The following DLGAP1 variants were observed in gnomAD, a reference collection of about 807,000 sequenced individuals.
DLGAP1 encodes disks large-associated protein 1.
DLGAP1 carries 11 observed loss-of-function variants against 90.8 expected under a neutral mutation model. The observed-to-expected ratio is 0.12, with a 90% CI of 0.08 to 0.20. DLGAP1 has a LOEUF of 0.20. Among genes scored for constraint, DLGAP1 ranks in the 10% least tolerant of loss-of-function variants. The pLI is 1.00. For synonymous variants in DLGAP1, 558 were observed against 540.7 expected (o/e 1.03, Z -0.44); for missense variants, 1,050 against 1,333.8 (o/e 0.79, Z 3.31).
chr18:4,434,629 T>G (rs948852047), intron 1 of DLGAP1, among the ~76,000 whole-genome samples: 3 of 152,174 alleles, frequency 2.0e-5, no homozygotes, highest in African/African-American at 7.2e-5. Context: ...CTGCTGGTCC[T>G]GCAAGAGGCT....
chr18:3,688,486 A>C (rs1326291187), intron 7 of DLGAP1, among the ~76,000 whole-genome samples: 4 of 152,096 alleles, frequency 2.6e-5, no homozygotes, highest in Non-Finnish European at 5.9e-5. Context: ...AAAAAAACAA[A>C]AGAAAAATGT....
In DLGAP1 at chr18:4,454,613, G is replaced by A. The variant is rs553305945; in HGVS notation, c.-267+393C>T. 1.3e-5 allele frequency among the ~76,000 whole-genome samples: 2 copies of A among 152,188 alleles called. No individual in the cohort carries two copies. Among genetic ancestry groups the A allele is most frequent in the African/African-American group, 4.8e-5 (2 of 41,552 alleles). ...CCCCTCCTCCCCTGCAAGGTGCATCGGGGGTGGGGTGGGGGTGCGAATTTG... is the reference window on the plus strand; with the variant it reads ...CCCCTCCTCCCCTGCAAGGTGCATCAGGGGTGGGGTGGGGGTGCGAATTTG... On this transcript the variant is annotated intron_variant, in intron 1 of 12. Transcript: ENST00000315677. The surrounding 1 kb of genome is among the most constrained non-coding windows in gnomAD (Gnocchi z 4.7).
At chr18:4,405,343 C>T (rs1567895748) in intron 1 of DLGAP1, among the ~76,000 whole-genome samples, 3 of 152,066 alleles carry the variant, frequency 2.0e-5, no homozygotes, top group Non-Finnish European at 4.4e-5. Context: ...ACAATACCTC[C>T]TATGTCATTT....
intron 7 of DLGAP1, among the ~76,000 whole-genome samples, chr18:3,649,561 G>A (rs2059225632): frequency 6.6e-6 from 1 of 152,132 alleles, no homozygotes; most frequent in African/African-American, 2.4e-5. Flanking sequence ...CTGTGTTAAG[G>A]CTTTCTCTCT....
intron 1 of DLGAP1, among the ~76,000 whole-genome samples, chr18:4,287,839 T>C (rs2079738501): frequency 6.6e-6 from 1 of 151,290 alleles, no homozygotes; most frequent in Admixed American, 6.6e-5. Flanking sequence ...ATCCCAGAAC[T>C]TAAAGTATAA....
chr18:4,234,803 A>G (rs1284442586), intron 1 of DLGAP1, among the ~76,000 whole-genome samples: 1 of 152,164 alleles, frequency 6.6e-6, no homozygotes, highest in East Asian at 1.9e-4. Flanking sequence ...GGCAATTTGG[A>G]TAGATGCTGA....
chr18:3,516,300 T>C (rs2050843230), intron 10 of DLGAP1, among the ~76,000 whole-genome samples: 1 of 152,178 alleles, frequency 6.6e-6, no homozygotes, highest in Non-Finnish European at 1.5e-5. Context: ...GGAGATGTTT[T>C]GATACAGGCA....
intron 9 of DLGAP1, among the ~76,000 whole-genome samples, chr18:3,564,321 C>T (rs558571058): frequency 1.8e-4 from 28 of 151,940 alleles, no homozygotes; most frequent in Non-Finnish European, 3.4e-4. Flanking sequence ...ATTTTTTTCT[C>T]TTACGTGGGA....
chr18:4,034,186 C>G (rs1341306446), intron 2 of DLGAP1, among the ~76,000 whole-genome samples: 1 of 151,320 alleles, frequency 6.6e-6, no homozygotes, highest in East Asian at 2.0e-4. Context: ...GGATTACAAG[C>G]GCCCACCACC....
chr18:3,557,765 A>G (rs1036775347), intron 9 of DLGAP1, among the ~76,000 whole-genome samples: 5 of 152,096 alleles, frequency 3.3e-5, no homozygotes, highest in Non-Finnish European at 7.4e-5. Flanking sequence ...TGTCTCTACT[A>G]AAAATACAAA....
chr18:4,301,116 T>C (rs1391936016), intron 1 of DLGAP1, among the ~76,000 whole-genome samples: 1 of 152,216 alleles, frequency 6.6e-6, no homozygotes, highest in Non-Finnish European at 1.5e-5. Context: ...CAAATTCTTA[T>C]CATTTTTCAT....
chr18:3,925,431 A>C (rs2148918782), intron 3 of DLGAP1, among the ~76,000 whole-genome samples: 1 of 152,046 alleles, frequency 6.6e-6, no homozygotes, highest in South Asian at 2.1e-4. Flanking sequence ...TAGACTACTG[A>C]TTTTTAACCC....
At chr18:4,062,394 T>C (rs1465017407) in intron 2 of DLGAP1, among the ~76,000 whole-genome samples, 1 of 152,180 alleles carries the variant, frequency 6.6e-6, no homozygotes, top group Non-Finnish European at 1.5e-5. Flanking sequence ...ACACAGTCCG[T>C]GTACAGGGTA....
intron 1 of DLGAP1, among the ~76,000 whole-genome samples, chr18:4,225,319 C>T (rs2078162591): frequency 1.3e-5 from 2 of 151,988 alleles, no homozygotes; most frequent in Non-Finnish European, 2.9e-5. Flanking sequence ...GGAAAATCCT[C>T]CCAAGACGGA....
intron 5 of DLGAP1, among the ~76,000 whole-genome samples, chr18:3,804,515 G>C (rs1035496670): frequency 6.6e-6 from 1 of 152,206 alleles, no homozygotes; most frequent in Admixed American, 6.5e-5. Flanking sequence ...CTGCCAGACT[G>C]AGCTCCCAGC....
rs575938583 is a variant in DLGAP1 at position 4,348,816 on chromosome 18, T to C, written c.-267+106190A>G. Among the ~76,000 whole-genome samples, 47 of 152,128 alleles carry C rather than the reference T, an allele frequency of 3.1e-4. 1 individual carries two copies. Among genetic ancestry groups the C allele is most frequent in the Admixed American group, 2.8e-3 (43 of 15,268 alleles). On this transcript the variant is annotated intron_variant, in intron 1 of 12. Coordinates refer to ENST00000315677, the MANE Select transcript of DLGAP1 (RefSeq NM_004746.4). ...GATGATAATAATGAAGTTTATCTCATGGAATAAAATAAAGAACCTTGAGTC... is the reference window on the plus strand; with the variant it reads ...GATGATAATAATGAAGTTTATCTCACGGAATAAAATAAAGAACCTTGAGTC...
At chr18:3,693,167 C>T (rs1042666825) in intron 7 of DLGAP1, among the ~76,000 whole-genome samples, 4 of 152,182 alleles carry the variant, frequency 2.6e-5, no homozygotes, top group East Asian at 1.9e-4. Context: ...ACTGCAGCCT[C>T]GAACTCCTGG....
intron 3 of DLGAP1, among the ~76,000 whole-genome samples, chr18:3,959,527 C>A (rs115824089): frequency 1.3e-4 from 20 of 152,096 alleles, no homozygotes; most frequent in African/African-American, 4.8e-4. Flanking sequence ...AGTAGCCGGA[C>A]GTGGTGTCGC....
chr18:4,217,795 CCTGT>C (rs1195181685), intron 1 of DLGAP1, among the ~76,000 whole-genome samples: 1 of 151,968 alleles, frequency 6.6e-6, no homozygotes, highest in African/African-American at 2.4e-5. Context: ...ATATTTTCTC[CCTGT>C]CTGTGGCTTG....
Sources: allele counts gnomAD v4.1 joint callset (sites outside exome capture counted in the v4.1 genomes callset), GRCh38; gene constraint gnomAD v4.1.1; non-coding constraint Gnocchi (gnomAD v3.1); transcripts MANE v1.5; gene names NCBI Gene and HGNC (gene_info 2026-07-23, HGNC 2026-07-21).